Variants in ZNF664 observed in about 807,000 individuals in gnomAD.
ZNF664 encodes the protein zinc finger protein 664.
ZNF664 carries 10 observed loss-of-function variants against 18.2 expected under a neutral mutation model. The observed-to-expected ratio is 0.55, with a 90% confidence interval of 0.34 to 0.93. ZNF664 has a LOEUF of 0.93. Ranked by LOEUF, ZNF664 falls within the 40% of genes least tolerant of loss-of-function variation. The pLI is 0.02. For missense variants in ZNF664, 193 were observed against 319.0 expected, an observed-to-expected ratio of 0.61 and a Z score of 3.01; for synonymous variants, 119 against 104.2, an observed-to-expected ratio of 1.14 and a Z score of -0.86.
chr12:124,011,692 G>T lies in ZNF664; in HGVS notation c.-453G>T. On this transcript the variant is annotated 5_prime_UTR_variant, in exon 5 of 5. Coordinates refer to ENST00000337815, the MANE Select transcript of ZNF664 (RefSeq NM_152437.3). ...TGACTCTTCAAGGGGCAACTGCAGGGGCTCGAGACCAGCCAGCAGTATCTC... is the reference window on the plus strand; with the variant it reads ...TGACTCTTCAAGGGGCAACTGCAGGTGCTCGAGACCAGCCAGCAGTATCTC... 1 of 1,007,008 alleles carries T rather than the reference G, an allele frequency of 9.9e-7. No homozygotes were observed. The highest frequency in any genetic ancestry group is 1.2e-6 in the Non-Finnish European group (1 of 846,470). 62.4% of individuals were successfully genotyped at this position (1,007,008 alleles called of 1,614,324 possible). A position where few individuals can be genotyped will look rare whatever the true frequency, so the allele number is the denominator to read the frequency against.
intron 3 of ZNF664, among the ~76,000 whole-genome samples, chr12:124,010,573 G>A (rs779536726): frequency 1.3e-5 from 2 of 152,178 alleles, no homozygotes; most frequent in Non-Finnish European, 2.9e-5. Context: ...GAATGAAGCA[G>A]GATATGTGTG....
intron 3 of ZNF664, among the ~76,000 whole-genome samples, chr12:124,003,722 G>A (rs146069858): frequency 6.6e-6 from 1 of 152,304 alleles, no homozygotes; most frequent in East Asian, 1.9e-4. Context: ...ATCAGAAACA[G>A]GCTCTTGGCA....
intron 3 of ZNF664, among the ~76,000 whole-genome samples, chr12:123,999,088 C>T (rs1956982912): frequency 6.6e-6 from 1 of 152,184 alleles, no homozygotes; most frequent in Admixed American, 6.5e-5. Flanking sequence ...GTCTCCTGAG[C>T]CAGGGCCCTT....
rs1453354027 is a variant in ZNF664, at chr12:123,973,216, C to T, written c.-1028C>T. 5.1e-6 allele frequency: 5 copies of T among 984,166 alleles called. 1 individual carries two copies. The highest frequency in any genetic ancestry group is 6.0e-6 in the Non-Finnish European group (5 of 831,462). The allele number at this position is 984,166 out of a possible 1,614,324, so 61.0% of individuals were successfully genotyped here. ...CCCCGGCCTCGTGCGTGCGCACGCG[C>T]GCTGTCCCCCGGAGGCGTCTGGGTG... On this transcript the variant is annotated 5_prime_UTR_variant, in exon 1 of 5. Transcript: ENST00000337815.
At chr12:123,986,626 G>A (rs747544446) in intron 2 of ZNF664, among the ~76,000 whole-genome samples, 18 of 152,178 alleles carry the variant, frequency 1.2e-4, no homozygotes, top group Non-Finnish European at 2.1e-4. Context: ...ATCTGATTTT[G>A]TTTTGCTTTT....
intron 3 of ZNF664, among the ~76,000 whole-genome samples, chr12:124,001,539 A>G (rs985213218): frequency 2.0e-5 from 3 of 152,032 alleles, no homozygotes; most frequent in Non-Finnish European, 2.9e-5. Flanking sequence ...CCCTCGGGTC[A>G]TGTATCTTCT....
At chr12:124,004,121 C>T (rs1957043628) in intron 3 of ZNF664, among the ~76,000 whole-genome samples, 1 of 152,002 alleles carries the variant, frequency 6.6e-6, no homozygotes, top group Non-Finnish European at 1.5e-5. Flanking sequence ...GAGGGAGCAC[C>T]CGGTGTCCAA....
chr12:124,002,994 G>A (rs1957030993), intron 3 of ZNF664, among the ~76,000 whole-genome samples: 1 of 152,148 alleles, frequency 6.6e-6, no homozygotes, highest in African/African-American at 2.4e-5. Context: ...GAGGGGCAGG[G>A]ACGGGCCAGC....
chr12:123,993,146 G>A (rs1956907900), intron 3 of ZNF664, among the ~76,000 whole-genome samples: 1 of 152,192 alleles, frequency 6.6e-6, no homozygotes, highest in Admixed American at 6.5e-5. Context: ...CTCTTTCAGA[G>A]ACTCTGAAAG....
Position 124,013,115 on chromosome 12 carries a change from T to C in ZNF664, c.*185T>C. 1 of 854,712 alleles carries C rather than the reference T, an allele frequency of 1.2e-6. No individual in the cohort carries two copies. Among genetic ancestry groups the C allele is most frequent in the Non-Finnish European group, 1.8e-6 (1 of 562,748 alleles). The allele number at this position is 854,712 out of a possible 1,614,324, so 52.9% of individuals were successfully genotyped here. A position where few individuals can be genotyped will look rare whatever the true frequency, so the allele number is the denominator to read the frequency against. On this transcript the variant is annotated 3_prime_UTR_variant, in exon 5 of 5. Transcript: ENST00000337815. ...GTGTGTTCCACAGGTTGACTTTGAATGTGGACCTCTGAGCATCCACGCAGG... is the reference window on the plus strand; with the variant it reads ...GTGTGTTCCACAGGTTGACTTTGAACGTGGACCTCTGAGCATCCACGCAGG...
intron 3 of ZNF664, among the ~76,000 whole-genome samples, chr12:123,998,175 CT>C (rs912129689): frequency 2.0e-5 from 3 of 152,152 alleles, no homozygotes; most frequent in Admixed American, 6.5e-5. Context: ...CTTTCTTATA[CT>C]TTATCCCTTT....
intron 3 of ZNF664, among the ~76,000 whole-genome samples, chr12:124,007,038 CTG>C (rs1957081009): frequency 6.6e-6 from 1 of 152,122 alleles, no homozygotes; most frequent in African/African-American, 2.4e-5. Context: ...TGGGTGGGGG[CTG>C]TGTTAGGCGA....
intron 2 of ZNF664, among the ~76,000 whole-genome samples, chr12:123,987,532 C>G (rs2138361489): frequency 6.6e-6 from 1 of 152,290 alleles, no homozygotes; most frequent in East Asian, 1.9e-4. Context: ...CCTTTATTAT[C>G]TCCATTAACT....
chr12:123,986,866 A>G (rs184581439), intron 2 of ZNF664, among the ~76,000 whole-genome samples: 7 of 152,216 alleles, frequency 4.6e-5, no homozygotes, highest in East Asian at 1.9e-4. Context: ...AATTCCTCCA[A>G]ATGTATTCCT....
chr12:123,974,680 T>A (rs928044435), intron 2 of ZNF664: 1 of 152,254 alleles, frequency 6.6e-6, no homozygotes, highest in Admixed American at 6.5e-5. Context: ...CTTCTAGATC[T>A]TTTGGAGTAC....
intron 3 of ZNF664, among the ~76,000 whole-genome samples, chr12:123,991,517 A>T (rs375452672): frequency 2.1e-4 from 32 of 152,352 alleles, no homozygotes; most frequent in East Asian, 1.9e-3. Context: ...TGAATGTGTC[A>T]TGCACTAATT....
chr12:124,008,114 A>G (rs189251036), intron 3 of ZNF664, among the ~76,000 whole-genome samples: 42 of 152,262 alleles, frequency 2.8e-4, no homozygotes, highest in Non-Finnish European at 5.6e-4. Context: ...CATTTAGAGC[A>G]ACTCCTCCCA....
intron 1 of ZNF664, 179 bp from the exon 2 acceptor site, chr12:123,973,707 G>A (rs1489583714): frequency 1.8e-6 from 2 of 1,106,316 alleles, no homozygotes; most frequent in Non-Finnish European, 1.1e-6. Flanking sequence ...CCCGAGCCAG[G>A]CTCCATTGTT....
rs1957167254 is a variant in ZNF664 at position 124,014,281 on chromosome 12, C to T, written c.*1351C>T. 6.0e-6 allele frequency: 1 copy of T among 167,132 alleles called. No homozygotes were observed. Among genetic ancestry groups the T allele is most frequent in the Non-Finnish European group, 1.5e-5 (1 of 68,250 alleles). The allele number at this position is 167,132 out of a possible 1,614,324, so 10.4% of individuals were successfully genotyped here. A position where few individuals can be genotyped will look rare whatever the true frequency, so the allele number is the denominator to read the frequency against. On this transcript the variant is annotated 3_prime_UTR_variant, in exon 5 of 5. Coordinates refer to ENST00000337815, the MANE Select transcript of ZNF664 (RefSeq NM_152437.3). ...AGAAGTAGCAGTCGCTGGCAGAGCA[C>T]ACAGGCTGCTCTGGGGGATGAGCTG...
Sources: gnomAD v4.1 joint callset for allele counts (sites outside exome capture counted in the v4.1 genomes callset) on GRCh38, gnomAD v4.1.1 for gene constraint, MANE v1.5 for transcripts, NCBI Gene and HGNC (gene_info 2026-07-23, HGNC 2026-07-21) for gene names.